GSE1: variants seen among roughly 807,000 people sequenced by gnomAD.
GSE1 encodes the protein Gse1 coiled-coil protein.
GSE1 carries 32 observed loss-of-function variants against 112.6 expected under a neutral mutation model. The observed-to-expected ratio is 0.28, with a 90% CI of 0.21 to 0.38. GSE1 has a LOEUF of 0.38. Ranked by LOEUF, GSE1 falls within the 10% of genes least tolerant of loss-of-function variation. The pLI, the probability that GSE1 is intolerant of heterozygous loss-of-function variation, is 1.00. For missense variants in GSE1, 2,348 were observed against 1,699.2 expected (o/e 1.38, Z -6.71); for synonymous variants, 1,115 against 735.6 (o/e 1.52, Z -8.35).
At chr16:85,246,471 G>GCACACACA (rs143143067) in intron 1 of GSE1, among the ~76,000 whole-genome samples, 2 of 36,812 alleles carry the variant, frequency 5.4e-5, no homozygotes. Context: ...CCCACACGCT[G>GCACACACA]CACACACACA....
At chr16:85,474,229 C>T (rs968933862) in intron 2 of GSE1, among the ~76,000 whole-genome samples, 3 of 152,088 alleles carry the variant, frequency 2.0e-5, no homozygotes, top group African/African-American at 4.8e-5. Context: ...GAGGTTTGGG[C>T]TCTCCATGCA....
intron 2 of GSE1, among the ~76,000 whole-genome samples, chr16:85,635,924 C>T (rs1567691023): frequency 6.7e-6 from 1 of 148,978 alleles, no homozygotes; most frequent in Non-Finnish European, 1.5e-5. Flanking sequence ...CGGCCGTGGG[C>T]GTCACAGCAG....
Position 85,501,077 on chromosome 16 carries a change from T to C in GSE1, c.2465-132837T>C, listed in dbSNP as rs1597973212. Among the ~76,000 whole-genome samples the C allele has an allele frequency of 3.8e-5, 5 of 130,016 alleles. 1 individual carries two copies. The Admixed American group carries it at 4.8e-4, about 13-fold the overall frequency. 85.3% of individuals were successfully genotyped at this position (130,016 alleles called of 152,430 possible). A position where few individuals can be genotyped will look rare whatever the true frequency, so the allele number is the denominator to read the frequency against. On this transcript the variant is annotated intron_variant, in intron 2 of 2. Transcript: ENST00000637419. ...CTGGAGTGGCACGATCTCGGCTCAC[T>C]GCAAGCTCCGCCTCCCGGGTGCACA... is the stretch of plus-strand genomic sequence containing the variant.
chr16:85,634,306 C>G (rs1278483118), intron 2 of GSE1, among the ~76,000 whole-genome samples, 174 bp downstream of exon 2: 1 of 152,256 alleles, frequency 6.6e-6, no homozygotes, highest in African/African-American at 2.4e-5. Context: ...GTCCGCCTGC[C>G]CCAGCACCTC....
chr16:85,634,739 T>G (rs1191787808), intron 2 of GSE1, among the ~76,000 whole-genome samples: 1 of 152,146 alleles, frequency 6.6e-6, no homozygotes, highest in Non-Finnish European at 1.5e-5. Flanking sequence ...ACGTTGCTGA[T>G]CCTCTGAGCC....
At chr16:85,399,826 T>A (rs146805163) in intron 2 of GSE1, among the ~76,000 whole-genome samples, 255 of 152,300 alleles carry the variant, frequency 1.7e-3, no homozygotes, top group African/African-American at 5.8e-3. Context: ...AGGTGGTGAG[T>A]GTTCCGTGAG....
intron 1 of GSE1, among the ~76,000 whole-genome samples, chr16:85,351,617 A>G (rs1276810296): frequency 1.3e-5 from 2 of 152,242 alleles, no homozygotes; most frequent in African/African-American, 4.8e-5. Context: ...GCTTGTACAT[A>G]CATTAAAGCC....
At chr16:85,581,437 C>T (rs543012556) in intron 1 of GSE1, among the ~76,000 whole-genome samples, 76 of 152,136 alleles carry the variant, frequency 5.0e-4, no homozygotes, top group African/African-American at 1.3e-3. Context: ...TGAAGCCGGA[C>T]GAACCCTGGG....
At chr16:85,347,984 C>T (rs2046777441) in intron 1 of GSE1, among the ~76,000 whole-genome samples, 1 of 152,146 alleles carries the variant, frequency 6.6e-6, no homozygotes, top group African/African-American at 2.4e-5. Flanking sequence ...GGGTGGGGTC[C>T]CCTTCTTTCT....
rs770712399 is a variant in GSE1 at position 85,662,997 on chromosome 16, CGAT to C, written c.2280_2282del (p.Asp761del). The C allele has an allele frequency of 3.1e-6, 5 of 1,609,488 alleles. No homozygotes were observed. The highest frequency in any genetic ancestry group is 4.2e-6 in the Non-Finnish European group (5 of 1,176,486). On this transcript the variant is annotated inframe_deletion, in exon 10 of 16. Transcript: ENST00000253458. ...CTCCATCAGGGTACTACTACGACCT[CGAT>C]GACTCTTACGACGAGAGCGATGAGG...
At chr16:85,428,848 G>A (rs1047748590) in intron 2 of GSE1, among the ~76,000 whole-genome samples, 7 of 152,284 alleles carry the variant, frequency 4.6e-5, no homozygotes, top group Admixed American at 2.6e-4. Flanking sequence ...GTAGACAAAC[G>A]CCTGGGGGGT....
At chr16:85,339,491 C>A (rs919052160) in intron 1 of GSE1, among the ~76,000 whole-genome samples, 1 of 152,066 alleles carries the variant, frequency 6.6e-6, no homozygotes, top group Non-Finnish European at 1.5e-5. Flanking sequence ...TCCACCCCAA[C>A]TGGGACTCAC....
At chr16:85,667,590 G>A (rs2052975917) in intron 13 of GSE1, among the ~76,000 whole-genome samples, 1 of 152,242 alleles carries the variant, frequency 6.6e-6, no homozygotes, top group Admixed American at 6.5e-5. Flanking sequence ...GGGCGCAGTG[G>A]CTCACGCTTG....
At chr16:85,257,208 A>C (rs1907181010) in intron 1 of GSE1, among the ~76,000 whole-genome samples, 1 of 152,198 alleles carries the variant, frequency 6.6e-6, no homozygotes, top group East Asian at 1.9e-4. Context: ...TCCTGGGTTC[A>C]AGCGATTCGC....
In GSE1 at chr16:85,671,012, C is replaced by T; in HGVS notation, c.3433C>T (p.Gln1145Ter). ...EHIEEQNLER[Q>*]VLQTQCRRLE... ...CTTTTCAGAGCAAAATCTGGAGCGG[C>T]AGGTGTTACAGACACAATGTAGACG... The change falls in exon 15 of 16, where the codon CAG becomes TAG. Residue 1145 changes from glutamine to a stop codon, truncating the protein, a stop_gained. Coordinates refer to ENST00000253458, the MANE Select transcript of GSE1 (RefSeq NM_014615.5). LOFTEE classifies it high-confidence loss of function. 6.2e-7 allele frequency: 1 copy of T among 1,609,182 alleles called. No homozygotes were observed. Among genetic ancestry groups the T allele is most frequent in the Non-Finnish European group, 8.5e-7 (1 of 1,175,778 alleles).
intron 1 of GSE1, among the ~76,000 whole-genome samples, chr16:85,344,729 C>T (rs920311972): frequency 6.6e-6 from 1 of 152,236 alleles, no homozygotes; most frequent in Non-Finnish European, 1.5e-5. Flanking sequence ...GCACACAACT[C>T]GTCAGGTGGT....
At chr16:85,644,895 A>AT (rs1180088103) in intron 2 of GSE1, among the ~76,000 whole-genome samples, 1 of 151,192 alleles carries the variant, frequency 6.6e-6, no homozygotes, top group Non-Finnish European at 1.5e-5. Flanking sequence ...CCTAGTTTTT[A>AT]TTTTTTTTCC....
intron 2 of GSE1, among the ~76,000 whole-genome samples, chr16:85,518,804 G>T (rs545528888): frequency 6.6e-6 from 1 of 152,068 alleles, no homozygotes; most frequent in Non-Finnish European, 1.5e-5. Context: ...CTATCCTTAC[G>T]CAAGACTGAC....
intron 1 of GSE1, among the ~76,000 whole-genome samples, chr16:85,275,621 G>C (rs9940738): frequency 0.41 from 62,718 of 152,142 alleles, 13,885 homozygotes; most frequent in Non-Finnish European, 0.52. Flanking sequence ...GGGTCCTTGG[G>C]GTCAAAGTTG....
Sources: gnomAD v4.1 joint callset for allele counts (sites outside exome capture counted in the v4.1 genomes callset) on GRCh38, gnomAD v4.1.1 for gene constraint, MANE v1.5 for transcripts, NCBI Gene and HGNC (gene_info 2026-07-23, HGNC 2026-07-21) for gene names.